ADAMTS20: variants seen among roughly 807,000 people sequenced by gnomAD.
The protein encoded by ADAMTS20 is ADAM metallopeptidase with thrombospondin type 1 motif 20.
In ADAMTS20, 225 loss-of-function variants were observed where a neutral mutation model predicts 260.1. The ratio of observed to expected loss-of-function variants is 0.87; its 90% CI spans 0.78 to 0.97. The LOEUF is 0.97. ADAMTS20 is among the 50% of genes least tolerant of loss of function. The pLI is 0.00. For missense variants in ADAMTS20, 2,400 were observed against 2,337.7 expected (o/e 1.03, Z -0.55); for synonymous variants, 802 against 769.5 (o/e 1.04, Z -0.70).
chr12:43,501,396 C>A (rs1176216979), intron 4 of ADAMTS20, among the ~76,000 whole-genome samples: 2 of 151,706 alleles, frequency 1.3e-5, no homozygotes, highest in Non-Finnish European at 2.9e-5. Flanking sequence ...AAAAGGGCTA[C>A]CCTTAGTGAT....
At chr12:43,358,560 C>T (rs1185249070) in intron 37 of ADAMTS20, among the ~76,000 whole-genome samples, 2 of 151,926 alleles carry the variant, frequency 1.3e-5, no homozygotes, top group African/African-American at 2.4e-5. Flanking sequence ...GTAATTCGGA[C>T]GGGCGCGGTG....
At chr12:43,449,731 C>G (rs963594656) in intron 14 of ADAMTS20, among the ~76,000 whole-genome samples, 1 of 152,080 alleles carries the variant, frequency 6.6e-6, no homozygotes, top group Non-Finnish European at 1.5e-5. Context: ...ACAGGAGATT[C>G]AGTACAACAG....
intron 36 of ADAMTS20, among the ~76,000 whole-genome samples, chr12:43,374,834 T>C (rs1406398456): frequency 6.6e-6 from 1 of 152,190 alleles, no homozygotes; most frequent in Non-Finnish European, 1.5e-5. Context: ...GGGTTTTATC[T>C]TGGAAGGGCA....
At chr12:43,419,238 T>C (rs1258975160) in intron 28 of ADAMTS20, among the ~76,000 whole-genome samples, 1 of 152,102 alleles carries the variant, frequency 6.6e-6, no homozygotes, top group Non-Finnish European at 1.5e-5. Context: ...AATACATATA[T>C]ATGGGCACAT....
At chr12:43,490,196 A>G (rs1318132333) in intron 7 of ADAMTS20, among the ~76,000 whole-genome samples, 199 bp downstream of exon 7, 1 of 152,010 alleles carries the variant, frequency 6.6e-6, no homozygotes, top group Non-Finnish European at 1.5e-5. Context: ...ATATTGAGTA[A>G]TTTGCAAATA....
intron 8 of ADAMTS20, 47 bp downstream of exon 8, chr12:43,468,553 C>A (rs1212925345): frequency 7.6e-6 from 9 of 1,178,890 alleles, no homozygotes; most frequent in African/African-American, 1.5e-5. Flanking sequence ...GCATTCTGTG[C>A]AAAGATAAAT....
intron 37 of ADAMTS20, among the ~76,000 whole-genome samples, chr12:43,357,062 TG>T (rs1565662591): frequency 6.6e-6 from 1 of 152,246 alleles, no homozygotes; most frequent in Admixed American, 6.5e-5. Context: ...ACACACATTA[TG>T]GTGTGTGGGT....
intron 18 of ADAMTS20, among the ~76,000 whole-genome samples, chr12:43,435,641 T>TAAAAAAAAAAAAA (rs35112845): frequency 2.4e-5 from 2 of 84,654 alleles, no homozygotes; most frequent in Admixed American, 1.4e-4. Flanking sequence ...ACTCCATTTC[T>TAAAAAAAAAAAAA]AAAAAAAAAA....
intron 28 of ADAMTS20, among the ~76,000 whole-genome samples, chr12:43,415,071 G>A (rs1029304650): frequency 3.9e-5 from 6 of 152,086 alleles, no homozygotes; most frequent in African/African-American, 7.2e-5. Context: ...ACAATTACAC[G>A]CAACGTAAAT....
chr12:43,452,613 G>C lies in ADAMTS20; in HGVS notation c.1843C>G (p.Gln615Glu), dbSNP rs1334017898. The C allele has an allele frequency of 6.2e-7, 1 of 1,613,414 alleles. No homozygotes were observed. The highest frequency in any genetic ancestry group is 1.1e-5 in the South Asian group (1 of 91,048). Reference protein sequence around the residue: ...CNTDSCPKGTQDFREKQCSDF... With the variant: ...CNTDSCPKGTEDFREKQCSDF... ...GAGCACTGCTTCTCTCGAAAGTCTT[G>C]TGTGCCTTTTGGACATGAATCAGTA... Residue 615 changes from glutamine (Q) to glutamate (E), a missense_variant, in exon 13 of 39, where the codon CAA (glutamine) becomes GAA (glutamate). Gln to Glu is a conservative substitution (Grantham distance 29, BLOSUM62 2). Coordinates refer to ENST00000389420, the MANE Select transcript of ADAMTS20 (RefSeq NM_025003.5).
chr12:43,532,376 T>C (rs574280282), intron 2 of ADAMTS20, among the ~76,000 whole-genome samples, 181 bp from the exon 3 acceptor site: 1 of 152,194 alleles, frequency 6.6e-6, no homozygotes, highest in South Asian at 2.1e-4. Context: ...TCCACTCCTA[T>C]ACATAAAGTC....
chr12:43,425,189 T>C (rs1035997001), intron 28 of ADAMTS20, among the ~76,000 whole-genome samples: 1 of 152,008 alleles, frequency 6.6e-6, no homozygotes, highest in Non-Finnish European at 1.5e-5. Context: ...TTCTCACTTA[T>C]AAGTGGAAGC....
chr12:43,479,175 A>G (rs1346216114), intron 7 of ADAMTS20, among the ~76,000 whole-genome samples: 2 of 152,240 alleles, frequency 1.3e-5, no homozygotes, highest in East Asian at 3.8e-4. Flanking sequence ...GAGTCACTAC[A>G]CAGTTGTAAA....
At chr12:43,441,940 GAACA>G (rs924942071) in intron 16 of ADAMTS20, among the ~76,000 whole-genome samples, 3 of 152,092 alleles carry the variant, frequency 2.0e-5, no homozygotes, top group Non-Finnish European at 4.4e-5. Context: ...ATTCAGTGAG[GAACA>G]AACAAAGATC....
chr12:43,378,935 AC>A (rs1194772149), intron 31 of ADAMTS20, among the ~76,000 whole-genome samples: 1 of 152,222 alleles, frequency 6.6e-6, no homozygotes, highest in Non-Finnish European at 1.5e-5. Flanking sequence ...AACATGGCTA[AC>A]TTTTGGTAAG....
intron 3 of ADAMTS20, among the ~76,000 whole-genome samples, chr12:43,510,071 G>T (rs1942901662): frequency 6.6e-6 from 1 of 152,076 alleles, no homozygotes; most frequent in Non-Finnish European, 1.5e-5. Context: ...GTTGAATAAT[G>T]TAATGTTAGG....
chr12:43,375,347 T>C, intron 36 of ADAMTS20, 32 bp downstream of exon 36: 1 of 1,601,428 alleles, frequency 6.2e-7, no homozygotes, highest in Non-Finnish European at 8.5e-7. Flanking sequence ...AATGGAGGCT[T>C]TTTGATTTTA....
At chr12:43,533,271 A>G (rs1396959107) in intron 2 of ADAMTS20, among the ~76,000 whole-genome samples, 2 of 148,126 alleles carry the variant, frequency 1.4e-5, no homozygotes, top group Non-Finnish European at 3.0e-5. Flanking sequence ...ATGATATCTC[A>G]TAGTGGTTTT....
At chr12:43,436,637 G>T (rs1592068148) in intron 18 of ADAMTS20, among the ~76,000 whole-genome samples, 1 of 151,960 alleles carries the variant, frequency 6.6e-6, no homozygotes, top group Non-Finnish European at 1.5e-5. Context: ...CTACCATATT[G>T]CACAGCATAG....
Sources: allele counts gnomAD v4.1 joint callset (sites outside exome capture counted in the v4.1 genomes callset), GRCh38; gene constraint gnomAD v4.1.1; transcripts MANE v1.5; gene names NCBI Gene and HGNC (gene_info 2026-07-23, HGNC 2026-07-21).